Variants in PSD3 observed in about 807,000 individuals in gnomAD.
PSD3 encodes the protein pleckstrin and Sec7 domain containing 3, also known as PH and SEC7 domain-containing protein 3.
PSD3 carries 49 observed loss-of-function variants against 105.5 expected under a neutral mutation model. The observed-to-expected ratio is 0.46, with a 90% CI of 0.37 to 0.59. The LOEUF is 0.59. PSD3 is among the 20% of genes least tolerant of loss of function. The pLI, the probability that PSD3 is intolerant of heterozygous loss-of-function variation, is 0.00. For synonymous variants in PSD3, 557 were observed against 457.8 expected (o/e 1.22, Z -2.77); for missense variants, 1,561 against 1,263.8 (o/e 1.24, Z -3.57).
At chr8:18,599,560 C>G (rs1052467152) in intron 12 of PSD3, among the ~76,000 whole-genome samples, 13 of 152,122 alleles carry the variant, frequency 8.5e-5, no homozygotes, top group Admixed American at 7.9e-4. Flanking sequence ...GGGATGTATT[C>G]TAAGACCCCC....
At chr8:18,955,844 C>T (rs1823537995) in intron 1 of PSD3, among the ~76,000 whole-genome samples, 1 of 152,126 alleles carries the variant, frequency 6.6e-6, no homozygotes, top group East Asian at 1.9e-4. Context: ...ACTTGGCTCA[C>T]TTCAACCTCC....
At chr8:18,629,292 T>C (rs1806724939) in intron 11 of PSD3, among the ~76,000 whole-genome samples, 1 of 151,966 alleles carries the variant, frequency 6.6e-6, no homozygotes, top group South Asian at 2.1e-4. Flanking sequence ...TTTAGAAATT[T>C]CTTAAAAAGT....
chr8:18,984,077 A>T (rs1440486499), intron 1 of PSD3, among the ~76,000 whole-genome samples: 1 of 151,582 alleles, frequency 6.6e-6, no homozygotes, highest in Non-Finnish European at 1.5e-5. Flanking sequence ...ATAATGAGAA[A>T]GTTTAAAATA....
chr8:18,563,018 G>A (rs1801498301), intron 14 of PSD3, among the ~76,000 whole-genome samples: 1 of 152,216 alleles, frequency 6.6e-6, no homozygotes, highest in Non-Finnish European at 1.5e-5. Flanking sequence ...GCACTTAAAT[G>A]TCTACGTCAT....
intron 2 of PSD3, among the ~76,000 whole-genome samples, chr8:18,902,941 G>T (rs1199113843): frequency 6.6e-6 from 1 of 152,208 alleles, no homozygotes; most frequent in East Asian, 1.9e-4. Context: ...GGTCTGACAT[G>T]GCCTACAAGT....
intron 11 of PSD3, among the ~76,000 whole-genome samples, chr8:18,630,492 G>T (rs960365001): frequency 2.6e-4 from 40 of 151,878 alleles, no homozygotes; most frequent in African/African-American, 9.2e-4. Flanking sequence ...TGGGACTTTG[G>T]AATAAACTAA....
At chr8:18,804,928 T>G in intron 4 of PSD3, 30 bp from the exon 5 acceptor site, 1 of 1,517,914 alleles carries the variant, frequency 6.6e-7, no homozygotes, top group South Asian at 1.2e-5. Flanking sequence ...GAGAAAATAA[T>G]AGATTTTTCT....
At chr8:18,623,031 T>C (rs1481080239) in intron 11 of PSD3, among the ~76,000 whole-genome samples, 2 of 152,188 alleles carry the variant, frequency 1.3e-5, no homozygotes, top group Non-Finnish European at 2.9e-5. Flanking sequence ...CACAAAGTCA[T>C]TTTTTCTTTT....
intron 4 of PSD3, among the ~76,000 whole-genome samples, chr8:18,842,814 A>C (rs2129451467): frequency 6.6e-6 from 1 of 152,306 alleles, no homozygotes; most frequent in Non-Finnish European, 1.5e-5. Flanking sequence ...AAGGTTTTAG[A>C]CAAACATCTA....
intron 10 of PSD3, among the ~76,000 whole-genome samples, chr8:18,647,089 A>C (rs558343204): frequency 6.6e-6 from 1 of 152,342 alleles, no homozygotes; most frequent in African/African-American, 2.4e-5. Flanking sequence ...ACATAATGGC[A>C]AAGAAGTGGG....
chr8:18,816,708 C>T lies in PSD3; in HGVS notation c.1635-11810G>A, dbSNP rs186466106. ...AATAAGAGAGAGAAACAATAAAATA[C>T]ATGAAGAGTTTTCCCTCTGTTCCTG... On this transcript the variant is annotated intron_variant, in intron 4 of 15. Transcript: ENST00000327040. 1.0e-3 allele frequency among the ~76,000 whole-genome samples: 152 copies of T among 152,302 alleles called. 2 individuals are homozygous for T. The highest frequency in any genetic ancestry group is 3.5e-3 in the African/African-American group (145 of 41,580).
chr8:18,678,308 C>T (rs956394531), intron 9 of PSD3, among the ~76,000 whole-genome samples: 4 of 152,156 alleles, frequency 2.6e-5, no homozygotes, highest in African/African-American at 9.7e-5. Context: ...GCTCATTAGA[C>T]TGAGGTACCT....
intron 1 of PSD3, among the ~76,000 whole-genome samples, chr8:18,964,761 T>C (rs1319284165): frequency 6.6e-6 from 1 of 152,148 alleles, no homozygotes; most frequent in Non-Finnish European, 1.5e-5. Context: ...TGGCCTCCTT[T>C]TTACATCCAA....
At chr8:18,878,473 T>C (rs1817878306) in intron 2 of PSD3, among the ~76,000 whole-genome samples, 1 of 152,174 alleles carries the variant, frequency 6.6e-6, no homozygotes, top group Non-Finnish European at 1.5e-5. Flanking sequence ...TACACTGAAG[T>C]AGGAGGCAGC....
At chr8:18,640,873 C>T (rs1308991669) in intron 10 of PSD3, among the ~76,000 whole-genome samples, 2 of 152,192 alleles carry the variant, frequency 1.3e-5, no homozygotes, top group East Asian at 3.9e-4. Flanking sequence ...ATCAGGTAAA[C>T]CGCTCTATCC....
chr8:18,626,740 A>T (rs1452392292), intron 11 of PSD3, among the ~76,000 whole-genome samples: 1 of 152,152 alleles, frequency 6.6e-6, no homozygotes, highest in African/African-American at 2.4e-5. Context: ...TCCAAGAAGG[A>T]GCAGCAGCCA....
chr8:18,849,510 G>A (rs1420179270), intron 4 of PSD3: 2 of 152,054 alleles, frequency 1.3e-5, no homozygotes, highest in Non-Finnish European at 2.9e-5. Context: ...CTTACATGTT[G>A]GCCGAGGTCT....
At position 18,872,683 on chromosome 8, in the gene PSD3, G is replaced by A. The variant is rs747194534; in HGVS notation, c.181C>T (p.Pro61Ser). ...CCTTCCTCCATGGTCCCATATTCTG[G>A]AAATTCATTTGTGACATTTGGTGGG... ...LLPPNVTNEF[P>S]EYGTMEEGGE... Residue 61 changes from proline (P) to serine (S), a missense_variant, in exon 3 of 16, where the codon CCA becomes TCA. Physicochemically the swap from Pro to Ser is moderately conservative, Grantham distance 74. Coordinates refer to ENST00000327040, the MANE Select transcript of PSD3 (RefSeq NM_015310.4). 2 of 1,592,074 alleles carry A rather than the reference G, an allele frequency of 1.3e-6. No homozygotes were observed. Among genetic ancestry groups the A allele is most frequent in the Admixed American group, 1.8e-5 (1 of 54,758 alleles).
At chr8:19,074,037 A>G (rs1268140656) in intron 1 of PSD3, among the ~76,000 whole-genome samples, 5 of 151,862 alleles carry the variant, frequency 3.3e-5, no homozygotes, top group Non-Finnish European at 7.4e-5. Flanking sequence ...TGATCCGCCC[A>G]CCTCGCCCTC....
Sources: gnomAD v4.1 joint callset for allele counts (sites outside exome capture counted in the v4.1 genomes callset) on GRCh38, gnomAD v4.1.1 for gene constraint, MANE v1.5 for transcripts, NCBI Gene and HGNC (gene_info 2026-07-23, HGNC 2026-07-21) for gene names.